Variants in PRKAR2B observed in about 807,000 individuals in gnomAD.
PRKAR2B encodes the protein cAMP-dependent protein kinase type II-beta regulatory subunit.
PRKAR2B carries 14 observed loss-of-function variants against 49.9 expected under a neutral mutation model. The observed-to-expected ratio is 0.28, with a 90% CI of 0.19 to 0.44. PRKAR2B has a LOEUF of 0.44. Among genes scored for constraint, PRKAR2B ranks in the 20% least tolerant of loss-of-function variants. PRKAR2B has a pLI of 1.00. For missense variants in PRKAR2B, 393 were observed against 537.9 expected (o/e 0.73, Z 2.67); for synonymous variants, 196 against 197.7 (o/e 0.99, Z 0.07).
In PRKAR2B at chr7:107,073,337, C is replaced by T. The variant is rs76131390; in HGVS notation, c.343+3021C>T. On this transcript the variant is annotated intron_variant, in intron 2 of 10. Coordinates refer to ENST00000265717, the MANE Select transcript of PRKAR2B (RefSeq NM_002736.3). ...GTCTTCCTCATGTGTTCAGTGCTGGCCCACAAACGTGTCAGTTTTTATTTT... is the reference window on the plus strand; with the variant it reads ...GTCTTCCTCATGTGTTCAGTGCTGGTCCACAAACGTGTCAGTTTTTATTTT... Among the ~76,000 whole-genome samples the T allele has an allele frequency of 4.1e-3, 617 of 152,202 alleles. 26 individuals carry two copies. In the East Asian group the frequency reaches 0.097, roughly 24 times the overall value.
intron 4 of PRKAR2B, among the ~76,000 whole-genome samples, chr7:107,133,427 CTT>C (rs1364954853): frequency 6.6e-6 from 1 of 152,130 alleles, no homozygotes; most frequent in Non-Finnish European, 1.5e-5. Flanking sequence ...CTCTACCTGC[CTT>C]AAAAAAGTCA....
chr7:107,098,528 ATTCTCTTTCCTGCTTTG>A (rs1794894223), intron 2 of PRKAR2B, among the ~76,000 whole-genome samples: 1 of 152,184 alleles, frequency 6.6e-6, no homozygotes, highest in African/African-American at 2.4e-5. Flanking sequence ...CGTCAAAGTC[ATTCTCTTTCCTGCTTTG>A]TTCTGTTGGT....
At chr7:107,107,876 T>A (rs922587535) in intron 2 of PRKAR2B, among the ~76,000 whole-genome samples, 3 of 152,110 alleles carry the variant, frequency 2.0e-5, no homozygotes, top group Non-Finnish European at 4.4e-5. Context: ...CAGGATGGTC[T>A]CCATCTCTTG....
chr7:107,050,263 C>A (rs1191394668), intron 1 of PRKAR2B, among the ~76,000 whole-genome samples: 2 of 147,572 alleles, frequency 1.4e-5, no homozygotes, highest in Admixed American at 1.4e-4. Flanking sequence ...GAAATTGAAG[C>A]ATTAGTACTT....
intron 1 of PRKAR2B, among the ~76,000 whole-genome samples, chr7:107,056,654 C>T (rs577892995): frequency 6.6e-6 from 1 of 152,266 alleles, no homozygotes; most frequent in South Asian, 2.1e-4. Context: ...GATTTTTTCA[C>T]ACTGATTTTG....
At chr7:107,067,512 C>CA (rs1278145998) in intron 1 of PRKAR2B, among the ~76,000 whole-genome samples, 3 of 152,144 alleles carry the variant, frequency 2.0e-5, no homozygotes, top group Admixed American at 6.5e-5. Context: ...CCTGTCTACT[C>CA]ACGATTTAGA....
At chr7:107,061,163 A>G (rs1030547836) in intron 1 of PRKAR2B, among the ~76,000 whole-genome samples, 1 of 151,968 alleles carries the variant, frequency 6.6e-6, no homozygotes, top group Non-Finnish European at 1.5e-5. Context: ...GTCTTGATAT[A>G]TGGTATGGTA....
At chr7:107,108,519 T>G (rs1048061804) in intron 2 of PRKAR2B, among the ~76,000 whole-genome samples, 1 of 152,212 alleles carries the variant, frequency 6.6e-6, no homozygotes, top group African/African-American at 2.4e-5. Flanking sequence ...CCTTGTTCCC[T>G]CTTCTTGGTT....
At chr7:107,085,639 A>T (rs1025338322) in intron 2 of PRKAR2B, among the ~76,000 whole-genome samples, 8 of 152,178 alleles carry the variant, frequency 5.3e-5, no homozygotes, top group African/African-American at 1.9e-4. Context: ...TTTTATGCAC[A>T]TACATATTTA....
At chr7:107,158,957 TTA>T (rs1394542461) in intron 10 of PRKAR2B, among the ~76,000 whole-genome samples, 3 of 152,140 alleles carry the variant, frequency 2.0e-5, no homozygotes, top group African/African-American at 7.2e-5. Flanking sequence ...AACAAAAGCA[TTA>T]TGTCAGCTGC....
At chr7:107,067,227 T>G (rs1348988691) in intron 1 of PRKAR2B, 1 of 152,224 alleles carries the variant, frequency 6.6e-6, no homozygotes, top group Non-Finnish European at 1.5e-5. Flanking sequence ...AATCCCAGCC[T>G]TCTTCTCTAT....
At chr7:107,103,508 C>T (rs999308792) in intron 2 of PRKAR2B, among the ~76,000 whole-genome samples, 9 of 152,180 alleles carry the variant, frequency 5.9e-5, no homozygotes, top group African/African-American at 1.4e-4. Flanking sequence ...ACCTGGGTGA[C>T]GGACATGCAG....
intron 7 of PRKAR2B, among the ~76,000 whole-genome samples, chr7:107,152,100 C>T (rs1303818792): frequency 1.3e-5 from 2 of 152,244 alleles, no homozygotes; most frequent in African/African-American, 2.4e-5. Context: ...CTTCCAGTGT[C>T]TCAGGCCAAA....
At chr7:107,071,993 C>T (rs987411690) in intron 2 of PRKAR2B, among the ~76,000 whole-genome samples, 3 of 151,218 alleles carry the variant, frequency 2.0e-5, no homozygotes, top group East Asian at 1.9e-4. Context: ...GGCGTGAACC[C>T]GGAAGGCGGA....
At chr7:107,068,596 G>A (rs1406957650) in intron 1 of PRKAR2B, 1 of 152,024 alleles carries the variant, frequency 6.6e-6, no homozygotes, top group Non-Finnish European at 1.5e-5. Flanking sequence ...AAGTATTGTG[G>A]TATATAAATA....
intron 2 of PRKAR2B, among the ~76,000 whole-genome samples, chr7:107,072,542 CTG>C (rs1397020256): frequency 6.6e-6 from 1 of 152,060 alleles, no homozygotes; most frequent in African/African-American, 2.4e-5. Flanking sequence ...ATCTACTTCT[CTG>C]TATTTTATTT....
intron 1 of PRKAR2B, among the ~76,000 whole-genome samples, chr7:107,048,479 G>T (rs1028692030): frequency 5.9e-5 from 9 of 152,068 alleles, no homozygotes; most frequent in Non-Finnish European, 1.2e-4. Context: ...CGTAAGTGAT[G>T]GTATTTATGA....
At chr7:107,071,786 C>T (rs1214715968) in intron 2 of PRKAR2B, among the ~76,000 whole-genome samples, 1 of 152,230 alleles carries the variant, frequency 6.6e-6, no homozygotes, top group Non-Finnish European at 1.5e-5. Context: ...GTATCATTGG[C>T]TGGGCGAGGT....
Position 107,160,297 on chromosome 7 carries a change from C to T in PRKAR2B, c.*715C>T, listed in dbSNP as rs2115691071. On this transcript the variant is annotated 3_prime_UTR_variant, in exon 11 of 11. Transcript: ENST00000265717. ...GATCATTAATGCATTTTTCCCTCAT[C>T]AAGCATATATCTGCTTTTTTTTATT... 6.6e-6 allele frequency: 1 copy of T among 152,550 alleles called. No individual in the cohort carries two copies. The highest frequency in any genetic ancestry group is 2.4e-5 in the African/African-American group (1 of 41,558). 9.4% of individuals were successfully genotyped at this position (152,550 alleles called of 1,614,324 possible).
Sources: gnomAD v4.1 joint callset for allele counts (sites outside exome capture counted in the v4.1 genomes callset) on GRCh38, gnomAD v4.1.1 for gene constraint, MANE v1.5 for transcripts, NCBI Gene and HGNC (gene_info 2026-07-23, HGNC 2026-07-21) for gene names.